Variants in TJP3 observed in about 807,000 individuals in gnomAD.
TJP3 encodes tight junction protein 3, also known as tight junction protein ZO-3.
Under a neutral mutation model 104.2 loss-of-function variants are expected in TJP3, and 85 were observed. The ratio of observed to expected loss-of-function variants is 0.82; its 90% confidence interval spans 0.68 to 0.98. The LOEUF is 0.98. Among genes scored for constraint, TJP3 ranks in the 50% least tolerant of loss-of-function variants. The pLI is 0.00. For missense variants in TJP3, 1,367 were observed against 1,322.8 expected (o/e 1.03, Z -0.52); for synonymous variants, 550 against 550.6 (o/e 1.00, Z 0.02).
At chr19:3,717,776 C>T (rs28824495) in intron 1 of TJP3, among the ~76,000 whole-genome samples, 21,240 of 151,764 alleles carry the variant, frequency 0.14, 2,604 homozygotes, top group African/African-American at 0.34. Flanking sequence ...AGATGGGGGT[C>T]TCACTGTGTT....
In TJP3 at chr19:3,746,963, T is replaced by G. The variant is rs1599165049; in HGVS notation, c.2322+87T>G. 1 of 1,322,220 alleles carries G rather than the reference T, an allele frequency of 7.6e-7. No homozygotes were observed. Among genetic ancestry groups the G allele is most frequent in the South Asian group, 1.3e-5 (1 of 78,526 alleles). 81.9% of individuals were successfully genotyped at this position (1,322,220 alleles called of 1,614,324 possible). A position where few individuals can be genotyped will look rare whatever the true frequency, so the allele number is the denominator to read the frequency against. On this transcript the variant is annotated intron_variant, in intron 18 of 20. Transcript: ENST00000541714. This position sits in a 1 kb window ranked among gnomAD's most constrained non-coding sequence, Gnocchi z 4.1. ...TGGGGTTTGGGGCCTCTGTCGGGAG[T>G]TAGGGCTTGGTCAGGGATCAGGACT...
At chr19:3,738,527 T>G (rs1324983191) in intron 11 of TJP3, 28 bp from the exon 12 acceptor site, 6 of 1,600,550 alleles carry the variant, frequency 3.7e-6, no homozygotes, top group African/African-American at 1.3e-5. Flanking sequence ...CCAGAGCTTT[T>G]TCTATAGCTG....
At chr19:3,718,228 T>G (rs910401024) in intron 1 of TJP3, among the ~76,000 whole-genome samples, 7 of 102,014 alleles carry the variant, frequency 6.9e-5, no homozygotes, top group African/African-American at 1.8e-4. Flanking sequence ...TGTGTGTGTG[T>G]GTGTGTGTGT....
chr19:3,720,194 C>T (rs2036528951), intron 1 of TJP3, among the ~76,000 whole-genome samples: 1 of 152,198 alleles, frequency 6.6e-6, no homozygotes, highest in South Asian at 2.1e-4. Context: ...TAGAACTCTC[C>T]TAGCTCTGAA....
rs746667846 is a variant in TJP3, at chr19:3,735,871, T to G, written c.1063T>G (p.Leu355Val). ...ISEPDEQRSE[L>V]PRESSYDIYR... is the part of the protein sequence containing the mutation. ...AGAGACTGGCTTTTCCCTTTCAGAG[T>G]TGCCCAGGGAAAGCAGCTATGACAT... The change falls in exon 10 of 21, where the codon TTG becomes GTG. Residue 355 changes from leucine to valine, a missense_variant and splice_region_variant. Leu to Val is a conservative substitution (Grantham distance 32). Coordinates refer to ENST00000541714, the MANE Select transcript of TJP3 (RefSeq NM_001267560.2). 6.2e-7 allele frequency: 1 copy of G among 1,613,856 alleles called. No homozygotes were observed. Among genetic ancestry groups the G allele is most frequent in the South Asian group, 1.1e-5 (1 of 91,068 alleles).
chr19:3,738,501 G>C, intron 11 of TJP3, 54 bp from the exon 12 acceptor site: 1 of 1,494,624 alleles, frequency 6.7e-7, no homozygotes, highest in African/African-American at 1.4e-5. Flanking sequence ...AGGATCTCAT[G>C]CACGCCCAAG....
chr19:3,711,789 G>A (rs531177047), intron 1 of TJP3, among the ~76,000 whole-genome samples: 90 of 148,768 alleles, frequency 6.0e-4, no homozygotes, highest in African/African-American at 2.2e-3. Flanking sequence ...TAATTAATAT[G>A]GGAACCGGTA....
At chr19:3,734,920 C>T (rs1471241198) in intron 8 of TJP3, among the ~76,000 whole-genome samples, 1 of 152,210 alleles carries the variant, frequency 6.6e-6, no homozygotes, top group Non-Finnish European at 1.5e-5. Flanking sequence ...TGTCATTACA[C>T]TGCAGCCTAG....
Position 3,743,954 on chromosome 19 carries a change from C to A in TJP3, c.1859C>A (p.Pro620Gln), listed in dbSNP as rs1032022237. 2 of 1,614,110 alleles carry A rather than the reference C, an allele frequency of 1.2e-6. No homozygotes were observed. The highest frequency in any genetic ancestry group is 1.7e-6 in the Non-Finnish European group (2 of 1,180,012). ...TACCCCTCAGCCAGTTTCAAGCGCC[C>A]GGTAGTGATCCTGGGACCCGTGGCC... ...VVLREASFKR[P>Q]VVILGPVADI... The change falls in exon 15 of 21, where the codon CCG becomes CAG. Residue 620 changes from proline to glutamine, a missense_variant. Physicochemically the swap from Pro to Gln is moderately conservative, Grantham distance 76. Coordinates refer to ENST00000541714, the MANE Select transcript of TJP3 (RefSeq NM_001267560.2).
intron 1 of TJP3, among the ~76,000 whole-genome samples, chr19:3,725,288 C>T (rs892166422): frequency 4.0e-5 from 6 of 151,348 alleles, no homozygotes; most frequent in African/African-American, 1.5e-4. Context: ...ATCAACCAAC[C>T]AACCAACCAA....
At position 3,739,004 on chromosome 19, in the gene TJP3, G is replaced by A. The variant is rs552993820; in HGVS notation, c.1501G>A (p.Val501Ile). The stretch of plus-strand genomic sequence containing the variant: ...TGGCCTGGGCTTCACCCGTGGCGAC[G>A]TCTTCCACGTGCTGGACACGCTGCA... The part of the protein sequence containing the change: ...PSGLGFTRGD[V>I]FHVLDTLHPG... Residue 501 changes from valine (V) to isoleucine (I), a missense_variant, in exon 13 of 21, where the codon GTC becomes ATC. By Grantham distance (29) the Val-to-Ile change is conservative. Coordinates refer to ENST00000541714, the MANE Select transcript of TJP3 (RefSeq NM_001267560.2). 8.1e-6 allele frequency: 13 copies of A among 1,613,106 alleles called. No homozygotes were observed. The highest frequency in any genetic ancestry group is 5.0e-5 in the Admixed American group (3 of 60,002).
At chr19:3,725,504 C>T (rs2036586960) in intron 1 of TJP3, among the ~76,000 whole-genome samples, 1 of 151,976 alleles carries the variant, frequency 6.6e-6, no homozygotes, top group Non-Finnish European at 1.5e-5. Flanking sequence ...ACAGCCTGAC[C>T]AACATGGTGA....
rs779704406 is a variant in TJP3, at chr19:3,734,340, C to G, written c.891C>G (p.Leu297=). ...DSSPLEDISD[L]ASELSQAPPS... is the part of the protein sequence containing the mutation. ...CTCCCCCTGCAGACATCTCGGACCT[C>G]GCCTCGGAGCTATCGCAGGCACCAC... Residue 297 remains leucine (L), a synonymous_variant, in exon 8 of 21, where the codon CTC becomes CTG. Transcript: ENST00000541714. The G allele has an allele frequency of 2.5e-6, 4 of 1,613,844 alleles. No individual in the cohort carries two copies. Among genetic ancestry groups the G allele is most frequent in the South Asian group, 1.1e-5 (1 of 91,076 alleles).
chr19:3,730,753 C>A lies in TJP3; in HGVS notation c.613+47C>A. 2 of 1,537,716 alleles carry A rather than the reference C, an allele frequency of 1.3e-6. No homozygotes were observed. The highest frequency in any genetic ancestry group is 8.7e-7 in the Non-Finnish European group (1 of 1,143,870). On this transcript the variant is annotated intron_variant, in intron 5 of 20. Transcript: ENST00000541714. The surrounding 1 kb of genome is among the most constrained non-coding windows in gnomAD (Gnocchi z 7.3). ...GACACGATCAGTACTGGACACAGGG[C>A]ACCGTGGTCGGATGGGCGACGGTTT... is the stretch of plus-strand genomic sequence containing the variant.
chr19:3,727,610 TC>T (rs1284743735), intron 1 of TJP3, among the ~76,000 whole-genome samples: 1 of 152,112 alleles, frequency 6.6e-6, no homozygotes, highest in Non-Finnish European at 1.5e-5. Flanking sequence ...CAGGCGCTGT[TC>T]TAGGCAGGGA....
Position 3,748,929 on chromosome 19 carries a change from G to A in TJP3, c.2610+848G>A, listed in dbSNP as rs534297912. Among the ~76,000 whole-genome samples, 259 of 144,210 alleles carry A rather than the reference G, an allele frequency of 1.8e-3. 2 individuals carry two copies. The highest frequency in any genetic ancestry group is 6.4e-3 in the African/African-American group (239 of 37,630). The allele number at this position is 144,210 out of a possible 152,430, so 94.6% of individuals were successfully genotyped here. On this transcript the variant is annotated intron_variant, in intron 19 of 20. Coordinates refer to ENST00000541714, the MANE Select transcript of TJP3 (RefSeq NM_001267560.2). The stretch of plus-strand genomic sequence containing the variant: ...GCTGGAGTGCAGTGGCACGATCTGG[G>A]CTCACTGCAACCTCGGCCTCCTGTG...
intron 10 of TJP3, 91 bp from the exon 11 acceptor site, chr19:3,736,074 T>TG: frequency 4.4e-5 from 65 of 1,469,160 alleles, no homozygotes; most frequent in Middle Eastern, 1.8e-4. Flanking sequence ...AACTGAGGCC[T>TG]GGAGGGGGTG....
At chr19:3,744,105 G>C in intron 15 of TJP3, 71 bp downstream of exon 15, 1 of 1,442,900 alleles carries the variant, frequency 6.9e-7, no homozygotes, top group South Asian at 1.2e-5. Context: ...TGGGGGGTCG[G>C]GGGAGAGTTA....
rs2036677344 is a variant in TJP3, at chr19:3,731,961, A to G, written c.640A>G (p.Ile214Val). 6.2e-7 allele frequency: 1 copy of G among 1,613,456 alleles called. No individual in the cohort carries two copies. The highest frequency in any genetic ancestry group is 8.5e-7 in the Non-Finnish European group (1 of 1,179,700). The part of the protein sequence containing the change: ...EEFGVKLGSQ[I>V]FIKHITDSGL... ...GTTTGGCGTCAAGCTGGGCAGTCAG[A>G]TCTTCATCAAGCACATTACAGATTC... Residue 214 changes from isoleucine (I) to valine (V), a missense_variant, in exon 6 of 21, where the codon ATC becomes GTC. Transcript: ENST00000541714.
Sources: allele counts gnomAD v4.1 joint callset (sites outside exome capture counted in the v4.1 genomes callset), GRCh38; gene constraint gnomAD v4.1.1; non-coding constraint Gnocchi (gnomAD v3.1); transcripts MANE v1.5; gene names NCBI Gene and HGNC (gene_info 2026-07-23, HGNC 2026-07-21).